The following PTPRM variants were observed in gnomAD, a reference collection of about 807,000 sequenced individuals.
PTPRM encodes receptor-type tyrosine-protein phosphatase mu.
PTPRM carries 47 observed loss-of-function variants against 186.7 expected under a neutral mutation model. That is an observed-to-expected ratio of 0.25 (90% CI 0.20 to 0.32). The LOEUF is 0.32. PTPRM is among the 10% of genes least tolerant of loss of function. The probability of loss-of-function intolerance (pLI) is 1.00; values close to 1 mark genes in which losing one functional copy is unlikely to be tolerated. For missense variants in PTPRM, 1,494 were observed against 1,865.0 expected, an observed-to-expected ratio of 0.80 and a Z score of 3.66; for synonymous variants, 668 against 674.9, an observed-to-expected ratio of 0.99 and a Z score of 0.16.
rs1598673635 is a variant in PTPRM, at chr18:7,781,033, G to A, written c.196+6762G>A. Among the ~76,000 whole-genome samples the A allele has an allele frequency of 2.6e-5, 4 of 152,230 alleles. No individual in the cohort carries two copies. The South Asian group carries it at 6.2e-4, about 24-fold the overall frequency. On this transcript the variant is annotated intron_variant, in intron 2 of 32. Transcript: ENST00000580170. ...CCCAATAACACACACCAGGAGCTTA[G>A]CCTCTAACCCGGCCCAGTGCAATGT...
chr18:7,615,446 C>G (rs549092837), intron 1 of PTPRM, among the ~76,000 whole-genome samples: 9 of 152,206 alleles, frequency 5.9e-5, no homozygotes, highest in Non-Finnish European at 8.8e-5. Context: ...GTAGCTGGCT[C>G]TCCGAAAGGC....
intron 1 of PTPRM, among the ~76,000 whole-genome samples, chr18:7,606,071 G>T (rs953298645): frequency 6.6e-6 from 1 of 152,044 alleles, no homozygotes; most frequent in African/African-American, 2.4e-5. Flanking sequence ...TGGGAAGTGG[G>T]AGGTGGCTGC....
intron 7 of PTPRM, among the ~76,000 whole-genome samples, chr18:7,977,057 T>C (rs913055372): frequency 6.6e-6 from 1 of 152,116 alleles, no homozygotes; most frequent in African/African-American, 2.4e-5. Flanking sequence ...GCTCCAGTTA[T>C]AATGAAATAA....
intron 11 of PTPRM, among the ~76,000 whole-genome samples, chr18:8,108,133 T>A (rs1234186203): frequency 6.6e-6 from 1 of 152,210 alleles, no homozygotes; most frequent in East Asian, 1.9e-4. Flanking sequence ...ATGTAATTAA[T>A]ATTTTCATTT....
chr18:8,089,785 T>G (rs1434869662), intron 11 of PTPRM, among the ~76,000 whole-genome samples: 2 of 152,174 alleles, frequency 1.3e-5, no homozygotes, highest in African/African-American at 4.8e-5. Context: ...AGGCAATCAG[T>G]TAGATTTCTT....
chr18:8,076,370 A>G (rs1375373569), intron 8 of PTPRM, 85 bp from the exon 9 acceptor site: 1 of 772,316 alleles, frequency 1.3e-6, no homozygotes, highest in Non-Finnish European at 2.2e-6. Context: ...CTTTTCTCTC[A>G]ATAGAAGGTT....
chr18:7,897,004 C>T (rs764672686), intron 3 of PTPRM, among the ~76,000 whole-genome samples: 12 of 152,184 alleles, frequency 7.9e-5, no homozygotes, highest in South Asian at 2.1e-4. Flanking sequence ...ACAGCAGGCC[C>T]GCATACATTT....
chr18:8,130,003 G>A (rs2145924727), intron 13 of PTPRM, among the ~76,000 whole-genome samples: 1 of 152,220 alleles, frequency 6.6e-6, no homozygotes, highest in Admixed American at 6.5e-5. Flanking sequence ...GTCTCCAATG[G>A]GCTGAGAGTG....
chr18:7,733,774 G>C (rs1258729921), intron 1 of PTPRM, among the ~76,000 whole-genome samples: 2 of 152,134 alleles, frequency 1.3e-5, no homozygotes, highest in Admixed American at 1.3e-4. Context: ...AAGAGGCCAG[G>C]CTCCTCCCCT....
intron 1 of PTPRM, among the ~76,000 whole-genome samples, chr18:7,712,833 A>G (rs1267628022): frequency 1.3e-5 from 2 of 152,098 alleles, no homozygotes; most frequent in East Asian, 3.9e-4. Context: ...AAGAATGAAA[A>G]GGAACAAACC....
rs1345844085 is a variant in PTPRM at position 8,062,227 on chromosome 18, C to A, written c.1133-7459C>A. Among the ~76,000 whole-genome samples, 6 of 63,636 alleles carry A rather than the reference C, an allele frequency of 9.4e-5. 2 individuals carry two copies. The highest frequency in any genetic ancestry group is 1.9e-4 in the Non-Finnish European group (6 of 31,516). 41.7% of individuals were successfully genotyped at this position (63,636 alleles called of 152,430 possible). On this transcript the variant is annotated intron_variant, in intron 7 of 32. Coordinates refer to ENST00000580170, the MANE Select transcript of PTPRM (RefSeq NM_001105244.2). ...TTCATTTCATCTTCCATTGCTGATA[C>A]CCTTTCTTCCAGTAGATCGCATCGG... is the stretch of plus-strand genomic sequence containing the variant.
Position 7,948,694 on chromosome 18 carries a change from C to G in PTPRM, c.664-487C>G, listed in dbSNP as rs117898137. On this transcript the variant is annotated intron_variant, in intron 5 of 32. Transcript: ENST00000580170. ...AAAGGGTTGAACTATTCTTTTAGTC[C>G]TGTTCAATAGGGAGTACTCTAAAAC... Among the ~76,000 whole-genome samples the G allele has an allele frequency of 3.9e-4, 60 of 152,182 alleles. 1 individual carries two copies. The East Asian group carries it at 0.01, about 26-fold the overall frequency.
rs184233093 is a variant in PTPRM, at chr18:7,980,330, A to G, written c.1132+24916A>G. ...ACTACTATGGCTCCTTATTGCACCCATGTTCACTCTGCTGCCCCCTAGAGT... is the reference window on the plus strand; with the variant it reads ...ACTACTATGGCTCCTTATTGCACCCGTGTTCACTCTGCTGCCCCCTAGAGT... On this transcript the variant is annotated intron_variant, in intron 7 of 32. Transcript: ENST00000580170. 5.7e-3 allele frequency among the ~76,000 whole-genome samples: 868 copies of G among 151,822 alleles called. 6 individuals are homozygous for G. The highest frequency in any genetic ancestry group is 0.01 in the Non-Finnish European group (708 of 67,928).
At chr18:7,661,642 C>A (rs2038983487) in intron 1 of PTPRM, among the ~76,000 whole-genome samples, 1 of 152,206 alleles carries the variant, frequency 6.6e-6, no homozygotes, top group Non-Finnish European at 1.5e-5. Context: ...ATCAAGAAGA[C>A]CCAGTAAGTA....
In PTPRM at chr18:8,226,320, A is replaced by C. The variant is rs914809608; in HGVS notation, c.2301-17738A>C. On this transcript the variant is annotated intron_variant, in intron 14 of 32. Transcript: ENST00000580170. ...CACAAATAAATAGCATGTAAAGGCC[A>C]AATCGTTTGCTTTCTACATTCTTAT... is the stretch of plus-strand genomic sequence containing the variant. Among the ~76,000 whole-genome samples, 96 of 151,162 alleles carry C rather than the reference A, an allele frequency of 6.4e-4. 1 individual carries two copies. Among genetic ancestry groups the C allele is most frequent in the Non-Finnish European group, 2.2e-4 (15 of 67,856 alleles).
At chr18:8,035,300 C>G (rs569793560) in intron 7 of PTPRM, among the ~76,000 whole-genome samples, 94 of 152,264 alleles carry the variant, frequency 6.2e-4, no homozygotes, top group African/African-American at 2.2e-3. Context: ...TAGATTTATT[C>G]TATCTGTGAA....
intron 3 of PTPRM, 90 bp from the exon 4 acceptor site, chr18:7,906,415 T>A (rs1016081493): frequency 3.1e-6 from 3 of 971,268 alleles, no homozygotes; most frequent in East Asian, 2.5e-5. Flanking sequence ...GGTGAAAGAA[T>A]AAACGAAATT....
chr18:8,247,388 T>C (rs1237056776), intron 15 of PTPRM, among the ~76,000 whole-genome samples: 1 of 152,128 alleles, frequency 6.6e-6, no homozygotes, highest in East Asian at 1.9e-4. Flanking sequence ...CATTGTGGAG[T>C]ATTCTCTGCA....
intron 1 of PTPRM, among the ~76,000 whole-genome samples, chr18:7,664,418 G>T (rs1485976083): frequency 6.6e-6 from 1 of 152,178 alleles, no homozygotes; most frequent in Non-Finnish European, 1.5e-5. Flanking sequence ...TTGAGCATAA[G>T]CCCTTGTGAG....
Sources: allele counts gnomAD v4.1 joint callset (sites outside exome capture counted in the v4.1 genomes callset), GRCh38; gene constraint gnomAD v4.1.1; transcripts MANE v1.5; gene names NCBI Gene and HGNC (gene_info 2026-07-23, HGNC 2026-07-21).